CNTRL: variants seen among roughly 807,000 people sequenced by gnomAD.
The protein encoded by CNTRL is centriolin.
A neutral mutation model predicts 303.7 loss-of-function variants in CNTRL; 233 were observed. That is an observed-to-expected ratio of 0.77 (90% CI 0.69 to 0.86). The LOEUF is 0.86. Among genes scored for constraint, CNTRL ranks in the 40% least tolerant of loss-of-function variants. CNTRL has a pLI of 0.00. For missense variants in CNTRL, 2,524 were observed against 2,650.6 expected (o/e 0.95, Z 1.05); for synonymous variants, 900 against 922.2 (o/e 0.98, Z 0.44).
In CNTRL at chr9:121,090,296, T is replaced by A; in HGVS notation, c.239T>A (p.Val80Asp). Residue 80 changes from valine (V) to aspartate (D), a missense_variant, in exon 4 of 44, where the codon GTT becomes GAT. Transcript: ENST00000373855. Reference protein sequence around the residue: ...DHKGADSHAGVRYITEALIKK... With the variant: ...DHKGADSHAGDRYITEALIKK... The stretch of plus-strand genomic sequence containing the variant: ...TCAGGAGCTGATTCACATGCAGGAG[T>A]TAGATATATTACAGAGGCCCTCATT... 6.2e-7 allele frequency: 1 copy of A among 1,608,612 alleles called. No individual in the cohort carries two copies. The highest frequency in any genetic ancestry group is 8.5e-7 in the Non-Finnish European group (1 of 1,177,632).
At chr9:121,116,080 T>A in intron 11 of CNTRL, among the ~76,000 whole-genome samples, 1 of 151,750 alleles carries the variant, frequency 6.6e-6, no homozygotes, top group Non-Finnish European at 1.5e-5. Flanking sequence ...AGGAAAGAAG[T>A]TAAAAAGCAT....
At chr9:121,150,968 A>T (rs770350940) in intron 25 of CNTRL, among the ~76,000 whole-genome samples, 2 of 152,214 alleles carry the variant, frequency 1.3e-5, no homozygotes, top group African/African-American at 4.8e-5. Flanking sequence ...TATATGTATA[A>T]TATGAGTGTA....
At chr9:121,164,687 G>T (rs1360103742) in intron 34 of CNTRL, among the ~76,000 whole-genome samples, 1 of 152,022 alleles carries the variant, frequency 6.6e-6, no homozygotes, top group Non-Finnish European at 1.5e-5. Flanking sequence ...TCAGATTTTT[G>T]GAATTCTGAA....
intron 7 of CNTRL, among the ~76,000 whole-genome samples, chr9:121,107,357 A>G (rs1328117532): frequency 6.6e-6 from 1 of 152,300 alleles, no homozygotes; most frequent in East Asian, 1.9e-4. Flanking sequence ...GTTGAGTCCA[A>G]ATTATGAAGA....
chr9:121,117,894 G>A (rs1457124631), intron 11 of CNTRL, among the ~76,000 whole-genome samples: 7 of 151,990 alleles, frequency 4.6e-5, no homozygotes, highest in African/African-American at 1.7e-4. Flanking sequence ...CAGGAGAATG[G>A]CGTGAACCCG....
chr9:121,108,616 G>A (rs972955423), intron 8 of CNTRL, among the ~76,000 whole-genome samples: 2 of 151,654 alleles, frequency 1.3e-5, no homozygotes, highest in African/African-American at 4.8e-5. Context: ...ATGTCATTAT[G>A]TTATTTTTAT....
At chr9:121,155,205 G>A (rs1163600258) in intron 27 of CNTRL, among the ~76,000 whole-genome samples, 1 of 152,108 alleles carries the variant, frequency 6.6e-6, no homozygotes, top group African/African-American at 2.4e-5. Flanking sequence ...TTAGTTCCTA[G>A]CACACCCCAC....
chr9:121,077,514 G>A (rs1472144483), intron 1 of CNTRL, among the ~76,000 whole-genome samples: 1 of 152,172 alleles, frequency 6.6e-6, no homozygotes. Flanking sequence ...TTGTTTCAGT[G>A]TCCAAGCTTT....
rs1310628131 is a variant in CNTRL at position 121,150,150 on chromosome 9, T to G, written c.3650-20T>G. 1.3e-6 allele frequency: 2 copies of G among 1,571,530 alleles called. No individual in the cohort carries two copies. The highest frequency in any genetic ancestry group is 4.5e-5 in the East Asian group (2 of 44,374). ...AAACACTCTTTTGTTGAATAAACTCTTCTGTTTATTTCTTTGAAGATGCAG... is the reference window on the plus strand; with the variant it reads ...AAACACTCTTTTGTTGAATAAACTCGTCTGTTTATTTCTTTGAAGATGCAG... On this transcript the variant is annotated intron_variant, in intron 24 of 43. Transcript: ENST00000373855.
chr9:121,169,127 T>C (rs942329612), intron 38 of CNTRL, among the ~76,000 whole-genome samples: 9 of 152,212 alleles, frequency 5.9e-5, no homozygotes, highest in African/African-American at 9.7e-5. Context: ...TTTGCACACA[T>C]TATTCCAATT....
Position 121,140,738 on chromosome 9 carries a change from G to A in CNTRL, c.2435G>A (p.Arg812His), listed in dbSNP as rs141938357. The A allele has an allele frequency of 2.8e-5, 45 of 1,613,362 alleles. No homozygotes were observed. Among genetic ancestry groups the A allele is most frequent in the South Asian group, 6.6e-5 (6 of 91,030 alleles). Residue 812 changes from arginine (R) to histidine (H), a missense_variant, in exon 17 of 44, where the codon CGT (arginine) becomes CAT (histidine). Physicochemically the swap from Arg to His is conservative, Grantham distance 29. Coordinates refer to ENST00000373855, the MANE Select transcript of CNTRL (RefSeq NM_007018.6). ...GLVRPEEVAARVDELRRKLKL... is the reference protein window; with the variant it reads ...GLVRPEEVAAHVDELRRKLKL... ...GTTCGTCCAGAAGAAGTGGCAGCTC[G>A]TGTGGATGAGCTAAGAAGAAAACTG...
chr9:121,125,786 G>C lies in CNTRL; in HGVS notation c.1875G>C (p.Leu625=), dbSNP rs1447825239. 1 of 1,614,040 alleles carries C rather than the reference G, an allele frequency of 6.2e-7. No homozygotes were observed. Among genetic ancestry groups the C allele is most frequent in the African/African-American group, 1.3e-5 (1 of 74,912 alleles). ...EGVISGLQEY[L]GTIKGQATQA... The stretch of plus-strand genomic sequence containing the variant: ...TTATCAGTGGGTTGCAAGAATACCT[G>C]GGGACCATTAAAGGCCAGGCAACTC... Residue 625 remains leucine (L), a synonymous_variant, in exon 14 of 44, where the codon CTG becomes CTC. Coordinates refer to ENST00000373855, the MANE Select transcript of CNTRL (RefSeq NM_007018.6).
chr9:121,152,113 T>C (rs1212144077), intron 25 of CNTRL: 1 of 195,572 alleles, frequency 5.1e-6, no homozygotes, highest in African/African-American at 2.3e-5. Context: ...CGTTCGTTCT[T>C]CAAAACCCAG....
At chr9:121,172,386 AT>A (rs138361795) in intron 40 of CNTRL, among the ~76,000 whole-genome samples, 17,647 of 152,096 alleles carry the variant, frequency 0.12, 1,187 homozygotes, top group East Asian at 0.18. Context: ...CATTCCTGTA[AT>A]CCCAGCACTT....
intron 4 of CNTRL, among the ~76,000 whole-genome samples, chr9:121,090,844 C>T (rs1457207123): frequency 6.6e-6 from 1 of 152,154 alleles, no homozygotes; most frequent in Non-Finnish European, 1.5e-5. Flanking sequence ...TAAAGACATA[C>T]CCAAGACTGG....
chr9:121,115,099 C>T lies in CNTRL; in HGVS notation c.1354C>T (p.Arg452Ter), dbSNP rs770813904. The T allele has an allele frequency of 1.3e-5, 21 of 1,587,566 alleles. No individual in the cohort carries two copies. The highest frequency in any genetic ancestry group is 1.6e-5 in the Non-Finnish European group (19 of 1,167,776). Residue 452 changes from arginine to a stop codon, truncating the protein, a stop_gained, in exon 11 of 44, where the codon CGA becomes TGA. Coordinates refer to ENST00000373855, the MANE Select transcript of CNTRL (RefSeq NM_007018.6). LOFTEE classifies it high-confidence loss of function. ...KEKKISAAQT[R>*]LSELHDEIEK... ...GGTTTTTAAATTTGCAGCACAAACT[C>T]GACTATCAGAACTGCATGATGAAAT...
chr9:121,173,558 C>A, intron 41 of CNTRL, 49 bp downstream of exon 41: 1 of 1,609,838 alleles, frequency 6.2e-7, no homozygotes, highest in Non-Finnish European at 8.5e-7. Context: ...TGACCACCTC[C>A]CCCAGCTAAG....
rs527803526 is a variant in CNTRL at position 121,169,876 on chromosome 9, C to CA, written c.6276+62dup. ...ATGATAAATTTAAAATTTTAAACTG[C>CA]AACACCACTTCAACACAGAGAAAAT... is the stretch of plus-strand genomic sequence containing the variant. On this transcript the variant is annotated intron_variant, in intron 39 of 43. Transcript: ENST00000373855. 7.4e-4 allele frequency: 980 copies of CA among 1,328,278 alleles called. 2 individuals are homozygous for CA. The highest frequency in any genetic ancestry group is 1.0e-3 in the Non-Finnish European group (947 of 929,064). 82.3% of individuals were successfully genotyped at this position (1,328,278 alleles called of 1,614,324 possible).
intron 31 of CNTRL, among the ~76,000 whole-genome samples, 178 bp downstream of exon 31, chr9:121,159,197 C>T (rs527592662): frequency 1.3e-5 from 2 of 152,128 alleles, no homozygotes; most frequent in African/African-American, 4.8e-5. Context: ...GTAGTTCCCC[C>T]TCTGTTGTTT....
Sources: allele counts gnomAD v4.1 joint callset (sites outside exome capture counted in the v4.1 genomes callset), GRCh38; gene constraint gnomAD v4.1.1; transcripts MANE v1.5; gene names NCBI Gene and HGNC (gene_info 2026-07-23, HGNC 2026-07-21).